Variants in PDZD2 observed in about 807,000 individuals in gnomAD.
PDZD2 encodes the protein PDZ domain containing 2.
In PDZD2, 90 loss-of-function variants were observed where a neutral mutation model predicts 220.7. That is an observed-to-expected ratio of 0.41 (90% CI 0.34 to 0.49). PDZD2 has a LOEUF of 0.49. Ranked by LOEUF, PDZD2 falls within the 20% of genes least tolerant of loss-of-function variation. PDZD2 has a pLI of 0.28. For synonymous variants in PDZD2, 1,375 were observed against 1,450.5 expected (o/e 0.95, Z 1.18); for missense variants, 3,174 against 3,608.5 (o/e 0.88, Z 3.08).
At chr5:31,782,174 G>A (rs1189156608) in intron 1 of PDZD2, among the ~76,000 whole-genome samples, 1 of 152,060 alleles carries the variant, frequency 6.6e-6, no homozygotes, top group Non-Finnish European at 1.5e-5. Context: ...TTCATTTTGG[G>A]GTGGGGTAGA....
chr5:31,849,606 G>A (rs990723792), intron 2 of PDZD2, among the ~76,000 whole-genome samples: 8 of 151,996 alleles, frequency 5.3e-5, no homozygotes, highest in Non-Finnish European at 1.0e-4. Context: ...CACTTTGGGA[G>A]GCGGAGGTGG....
At chr5:31,992,175 A>G (rs985775367) in intron 3 of PDZD2, among the ~76,000 whole-genome samples, 3 of 152,078 alleles carry the variant, frequency 2.0e-5, no homozygotes, top group Non-Finnish European at 4.4e-5. Context: ...ATTTCTTTGG[A>G]CACTCCCCTC....
At chr5:31,937,396 C>G (rs1745849035) in intron 2 of PDZD2, among the ~76,000 whole-genome samples, 1 of 152,150 alleles carries the variant, frequency 6.6e-6, no homozygotes, top group Non-Finnish European at 1.5e-5. Context: ...AATCCTGGAA[C>G]TGTTTGCGTT....
intron 2 of PDZD2, among the ~76,000 whole-genome samples, chr5:31,805,299 G>A (rs370060878): frequency 1.3e-5 from 2 of 152,224 alleles, no homozygotes; most frequent in African/African-American, 4.8e-5. Flanking sequence ...TGCAATTTAG[G>A]TAGTAGGGAG....
chr5:31,835,630 A>G (rs1756904087), intron 2 of PDZD2, among the ~76,000 whole-genome samples: 1 of 151,858 alleles, frequency 6.6e-6, no homozygotes, highest in African/African-American at 2.4e-5. Context: ...AAAAAAAAAA[A>G]ATGTATCTTT....
At chr5:31,724,972 T>A (rs922767238) in intron 1 of PDZD2, among the ~76,000 whole-genome samples, 5 of 152,208 alleles carry the variant, frequency 3.3e-5, no homozygotes, top group African/African-American at 1.2e-4. Flanking sequence ...AGAATTTTTA[T>A]AGAAATATAC....
chr5:31,688,464 C>A (rs1328918615), intron 1 of PDZD2, among the ~76,000 whole-genome samples: 1 of 152,208 alleles, frequency 6.6e-6, no homozygotes, highest in African/African-American at 2.4e-5. Flanking sequence ...AAACCAGCAC[C>A]TTGGCTTCTT....
intron 1 of PDZD2, among the ~76,000 whole-genome samples, chr5:31,745,913 G>A (rs1191358998): frequency 6.6e-6 from 1 of 151,230 alleles, no homozygotes; most frequent in East Asian, 1.9e-4. Flanking sequence ...TTCTACTATA[G>A]CCAGAATCTG....
intron 2 of PDZD2, among the ~76,000 whole-genome samples, chr5:31,849,273 T>G (rs565711087): frequency 6.6e-6 from 1 of 152,074 alleles, no homozygotes; most frequent in South Asian, 2.1e-4. Flanking sequence ...ACCAAATGGG[T>G]TTGAATTAGG....
At chr5:31,932,563 AG>A (rs1409774672) in intron 2 of PDZD2, among the ~76,000 whole-genome samples, 1 of 150,158 alleles carries the variant, frequency 6.7e-6, no homozygotes, top group East Asian at 1.9e-4. Context: ...AAAGAAAGAA[AG>A]AAAGAAAGAA....
chr5:31,918,613 T>C (rs761173234), intron 2 of PDZD2, among the ~76,000 whole-genome samples: 27 of 152,250 alleles, frequency 1.8e-4, no homozygotes, highest in Admixed American at 5.9e-4. Context: ...TTTTGATTTT[T>C]AGGGTAGCCT....
At chr5:31,773,127 C>G (rs1031673507) in intron 1 of PDZD2, among the ~76,000 whole-genome samples, 1 of 152,188 alleles carries the variant, frequency 6.6e-6, no homozygotes, top group East Asian at 1.9e-4. Flanking sequence ...GTCGTTGGTA[C>G]AGGGAGCATG....
In PDZD2 at chr5:31,863,704, C is replaced by G. The variant is rs1737932572; in HGVS notation, c.476+63980C>G. On this transcript the variant is annotated intron_variant, in intron 2 of 24. Transcript: ENST00000438447. ...GTGGGCTGTTGTCTTAACAGTTTCACTTGTCAGTCCCTCTGTAAGTATACC... is the reference window on the plus strand; with the variant it reads ...GTGGGCTGTTGTCTTAACAGTTTCAGTTGTCAGTCCCTCTGTAAGTATACC... Among the ~76,000 whole-genome samples the G allele has an allele frequency of 1.3e-5, 2 of 152,134 alleles. 1 individual carries two copies. Among genetic ancestry groups the G allele is most frequent in the South Asian group, 4.1e-4 (2 of 4,828 alleles).
At chr5:31,860,678 C>T (rs1275211256) in intron 2 of PDZD2, among the ~76,000 whole-genome samples, 2 of 152,190 alleles carry the variant, frequency 1.3e-5, no homozygotes, top group East Asian at 1.9e-4. Flanking sequence ...CATTAAAAAC[C>T]AGCCGCTGAA....
rs751902760 is a variant in PDZD2, at chr5:31,983,352, C to T, written c.674C>T (p.Pro225Leu). 2.3e-5 allele frequency: 37 copies of T among 1,614,096 alleles called. No homozygotes were observed. Among genetic ancestry groups the T allele is most frequent in the Admixed American group, 1.0e-4 (6 of 60,002 alleles). ...RTRKFGVISR[P>L]PANKAPEESK... Reference sequence around the variant, plus strand: ...AGAAAGTTTGGGGTCATCTCCAGGCCTCCTGCCAACAAGGCCCCTGAAGAA... The same window carrying T: ...AGAAAGTTTGGGGTCATCTCCAGGCTTCCTGCCAACAAGGCCCCTGAAGAA... The change falls in exon 3 of 25, where the codon CCT (proline) becomes CTT (leucine). Residue 225 changes from proline (P) to leucine (L), a missense_variant. By Grantham distance (98) the Pro-to-Leu change is moderately conservative. Coordinates refer to ENST00000438447, the MANE Select transcript of PDZD2 (RefSeq NM_178140.4).
chr5:31,948,573 C>T (rs952633517), intron 2 of PDZD2, among the ~76,000 whole-genome samples: 1 of 152,224 alleles, frequency 6.6e-6, no homozygotes, highest in African/African-American at 2.4e-5. Context: ...TAAGTACCAA[C>T]GAGGTCTCCA....
intron 1 of PDZD2, among the ~76,000 whole-genome samples, chr5:31,694,604 T>A (rs1747291148): frequency 6.6e-6 from 1 of 152,004 alleles, no homozygotes; most frequent in African/African-American, 2.4e-5. Flanking sequence ...TCAGCACCTG[T>A]GAGGAAGGAG....
intron 6 of PDZD2, among the ~76,000 whole-genome samples, chr5:32,036,159 C>T (rs990295239): frequency 6.6e-6 from 1 of 152,118 alleles, no homozygotes; most frequent in Non-Finnish European, 1.5e-5. Context: ...CGGGGTTTCA[C>T]TGTTTTAGCC....
Position 32,061,678 on chromosome 5 carries a change from C to G in PDZD2, c.2451+544C>G, listed in dbSNP as rs555829583. Among the ~76,000 whole-genome samples, 7 of 151,888 alleles carry G rather than the reference C, an allele frequency of 4.6e-5. No individual in the cohort carries two copies. In the South Asian group the frequency reaches 1.3e-3, roughly 27 times the overall value. ...TGGTAATCCTAGCACTTTGGGAGGC[C>G]GAAGCAGGAGGATCACTTGAGCTCA... On this transcript the variant is annotated intron_variant, in intron 14 of 24. Coordinates refer to ENST00000438447, the MANE Select transcript of PDZD2 (RefSeq NM_178140.4).
Sources: allele counts gnomAD v4.1 joint callset (sites outside exome capture counted in the v4.1 genomes callset), GRCh38; gene constraint gnomAD v4.1.1; transcripts MANE v1.5; gene names NCBI Gene and HGNC (gene_info 2026-07-23, HGNC 2026-07-21).